The following CSTPP1 variants were observed in gnomAD, a reference collection of about 807,000 sequenced individuals.
CSTPP1 encodes the protein centriolar satellite-associated tubulin polyglutamylase complex regulator 1.
the CSTPP1 span, among the ~76,000 whole-genome samples, chr11:46,948,956 G>C: frequency 6.6e-6 from 1 of 152,128 alleles, no homozygotes; most frequent in South Asian, 2.1e-4. Context: ...GTACATTCTA[G>C]TTAGTGGATA....
At chr11:47,005,896 TCA>T in the CSTPP1 span, among the ~76,000 whole-genome samples, 3 of 152,230 alleles carry the variant, frequency 2.0e-5, no homozygotes, top group Admixed American at 1.3e-4. Flanking sequence ...CTACTGTTGT[TCA>T]CTCATTCATT....
chr11:46,936,749 G>A, the CSTPP1 span: 3 of 1,601,704 alleles, frequency 1.9e-6, no homozygotes, highest in African/African-American at 2.7e-5. Context: ...GAGAGAGACG[G>A]CAACCTGGGT....
the CSTPP1 span, among the ~76,000 whole-genome samples, chr11:46,983,004 TATCCAGGTTCAGTTGGCTCAAGA>T: frequency 6.6e-6 from 1 of 152,208 alleles, no homozygotes; most frequent in Admixed American, 6.5e-5. Context: ...CTAGAAATCA[TATCCAGGTTCAGTTGGCTCAAGA>T]ACCCATATTC....
the CSTPP1 span, among the ~76,000 whole-genome samples, chr11:47,124,117 T>C: frequency 9.4e-6 from 1 of 105,946 alleles, no homozygotes; most frequent in South Asian, 3.7e-4. Flanking sequence ...GGTCTTACTT[T>C]TTTTTTTTTT....
chr11:47,161,628 C>T, the CSTPP1 span: 4 of 1,612,514 alleles, frequency 2.5e-6, no homozygotes, highest in East Asian at 2.2e-5. Context: ...ACAGACGAGT[C>T]GGAGACTTGA....
chr11:46,948,411 T>G, the CSTPP1 span, among the ~76,000 whole-genome samples: 4 of 152,204 alleles, frequency 2.6e-5, no homozygotes, highest in Non-Finnish European at 5.9e-5. Context: ...CAGAGGAGAT[T>G]ATAATTGTGT....
the CSTPP1 span, among the ~76,000 whole-genome samples, chr11:47,099,913 G>A: frequency 4.6e-5 from 7 of 152,242 alleles, no homozygotes; most frequent in Admixed American, 6.5e-5. Flanking sequence ...GACAGTTGCC[G>A]CAAGCAGTAT....
At chr11:46,974,857 AACACACACACACACACACACACACAC>A in the CSTPP1 span, among the ~76,000 whole-genome samples, 5 of 144,128 alleles carry the variant, frequency 3.5e-5, no homozygotes, top group South Asian at 2.3e-4. Context: ...TCTATCTCAA[AACACACACACACACACACACACACAC>A]ACACACACAC....
At chr11:47,051,024 T>C in the CSTPP1 span, among the ~76,000 whole-genome samples, 3 of 152,234 alleles carry the variant, frequency 2.0e-5, no homozygotes, top group Non-Finnish European at 4.4e-5. Flanking sequence ...AGTTAGATAC[T>C]TTCCCATGAA....
chr11:46,950,176 C>CTTTTT, the CSTPP1 span, among the ~76,000 whole-genome samples: 2 of 136,316 alleles, frequency 1.5e-5, no homozygotes, highest in African/African-American at 2.7e-5. Flanking sequence ...TTTTTCTTTT[C>CTTTTT]TTTTTTTTTT....
chr11:46,974,075 C>CA, the CSTPP1 span, among the ~76,000 whole-genome samples: 3 of 152,110 alleles, frequency 2.0e-5, no homozygotes, highest in South Asian at 6.2e-4. Context: ...AAAACAAAAA[C>CA]AAAAAATTAA....
chr11:47,016,787 A>ATAC, the CSTPP1 span, among the ~76,000 whole-genome samples: 23 of 150,956 alleles, frequency 1.5e-4, no homozygotes, highest in Admixed American at 6.6e-4. Context: ...TTTCTTGGGT[A>ATAC]TACACATATA....
At chr11:47,064,492 T>C in the CSTPP1 span, among the ~76,000 whole-genome samples, 2 of 152,192 alleles carry the variant, frequency 1.3e-5, no homozygotes, top group African/African-American at 4.8e-5. Context: ...TTAATTTTTA[T>C]GTAAGGTATT....
chr11:47,063,974 C>T, the CSTPP1 span, among the ~76,000 whole-genome samples: 1 of 152,134 alleles, frequency 6.6e-6, no homozygotes, highest in Non-Finnish European at 1.5e-5. Flanking sequence ...TCTCCACATC[C>T]CCAATAATGC....
the CSTPP1 span, among the ~76,000 whole-genome samples, chr11:46,952,192 C>T: frequency 6.6e-6 from 1 of 152,196 alleles, no homozygotes; most frequent in Non-Finnish European, 1.5e-5. Flanking sequence ...TTTAGGAAGT[C>T]ATCATTGGAT....
the CSTPP1 span, chr11:46,987,898 A>G: frequency 1.3e-5 from 2 of 153,018 alleles, no homozygotes; most frequent in African/African-American, 4.8e-5. Context: ...AAAAATGGAC[A>G]AAAGATGTGC....
the CSTPP1 span, chr11:47,163,945 G>A: frequency 2.4e-5 from 22 of 930,792 alleles, no homozygotes; most frequent in Admixed American, 2.9e-4. Context: ...TGTACCCGGC[G>A]TTAAATATTT....
chr11:47,070,177 A>G, the CSTPP1 span, among the ~76,000 whole-genome samples: 1 of 152,006 alleles, frequency 6.6e-6, no homozygotes, highest in Non-Finnish European at 1.5e-5. Flanking sequence ...GTGCACTATG[A>G]ATGTGCCTGT....
chr11:47,016,877 C>T, the CSTPP1 span, among the ~76,000 whole-genome samples: 9 of 122,856 alleles, frequency 7.3e-5, no homozygotes, highest in Non-Finnish European at 1.3e-4. Flanking sequence ...GAGTCTCGCT[C>T]TGTCGCCCAG....
Sources: gnomAD v4.1 joint callset for allele counts (sites outside exome capture counted in the v4.1 genomes callset) on GRCh38, gnomAD v4.1.1 for gene constraint, MANE v1.5 for transcripts, NCBI Gene and HGNC (gene_info 2026-07-23, HGNC 2026-07-21) for gene names.